Variants in CATSPERE observed in about 807,000 individuals in gnomAD.
CATSPERE encodes cation channel sperm-associated auxiliary subunit epsilon.
Under a neutral mutation model 114.1 loss-of-function variants are expected in CATSPERE, and 93 were observed. That is an observed-to-expected ratio of 0.81 (90% CI 0.69 to 0.97). The LOEUF (loss-of-function observed/expected upper bound fraction) is 0.97. Ranked by LOEUF, CATSPERE falls within the 50% of genes least tolerant of loss-of-function variation. The pLI is 0.00. For synonymous variants in CATSPERE, 341 were observed against 384.1 expected (o/e 0.89, Z 1.31); for missense variants, 1,058 against 1,131.6 (o/e 0.93, Z 0.93).
chr1:244,516,475 G>A (rs1183621994), intron 7 of CATSPERE, among the ~76,000 whole-genome samples: 1 of 151,858 alleles, frequency 6.6e-6, no homozygotes, highest in African/African-American at 2.4e-5. Flanking sequence ...AGCCTCCTGA[G>A]TAGCTGGGAC....
At chr1:244,639,306 A>G (rs1380086394) in intron 21 of CATSPERE, among the ~76,000 whole-genome samples, 1 of 152,114 alleles carries the variant, frequency 6.6e-6, no homozygotes, top group Non-Finnish European at 1.5e-5. Context: ...ACTCCCACTC[A>G]TACTCATACC....
intron 8 of CATSPERE, among the ~76,000 whole-genome samples, chr1:244,550,510 CAAACA>C (rs1414691583): frequency 6.6e-6 from 1 of 152,134 alleles, no homozygotes; most frequent in Non-Finnish European, 1.5e-5. Flanking sequence ...ATTGTCCATT[CAAACA>C]AAACAGTCAT....
At chr1:244,615,782 TA>T (rs1671301553) in intron 19 of CATSPERE, among the ~76,000 whole-genome samples, 1 of 151,918 alleles carries the variant, frequency 6.6e-6, no homozygotes, top group Admixed American at 6.6e-5. Context: ...ACGGCAGGCA[TA>T]ATCAGAACTG....
intron 7 of CATSPERE, among the ~76,000 whole-genome samples, chr1:244,510,428 T>C (rs377387319): frequency 3.3e-5 from 5 of 152,338 alleles, no homozygotes; most frequent in Admixed American, 6.5e-5. Context: ...AATATTCCTC[T>C]TGTTTTTGAC....
chr1:244,615,306 C>A (rs1427718132), intron 19 of CATSPERE, among the ~76,000 whole-genome samples: 1 of 149,702 alleles, frequency 6.7e-6, no homozygotes, highest in East Asian at 2.0e-4. Context: ...TACTGGAATT[C>A]TTTAATTAAA....
intron 9 of CATSPERE, among the ~76,000 whole-genome samples, chr1:244,554,624 G>T: frequency 6.6e-6 from 1 of 152,126 alleles, no homozygotes; most frequent in East Asian, 1.9e-4. Context: ...TTTCCCTGAT[G>T]GTTAGTGATG....
intron 17 of CATSPERE, among the ~76,000 whole-genome samples, chr1:244,600,026 C>A (rs1486202200): frequency 1.3e-5 from 2 of 152,098 alleles, no homozygotes; most frequent in African/African-American, 4.8e-5. Context: ...AGAAATGAGT[C>A]ATTCTGATTA....
intron 7 of CATSPERE, chr1:244,515,204 C>T (rs1401596177): frequency 6.4e-6 from 2 of 310,944 alleles, no homozygotes; most frequent in Admixed American, 1.3e-4. Context: ...CCGTTATTTT[C>T]CTGTCAATTC....
chr1:244,600,437 A>T (rs993235945), intron 17 of CATSPERE, among the ~76,000 whole-genome samples: 1 of 152,070 alleles, frequency 6.6e-6, no homozygotes, highest in African/African-American at 2.4e-5. Flanking sequence ...GTTGTAACCT[A>T]CATGAATTTG....
intron 20 of CATSPERE, among the ~76,000 whole-genome samples, chr1:244,627,431 C>A (rs1673345988): frequency 6.6e-6 from 1 of 152,058 alleles, no homozygotes; most frequent in South Asian, 2.1e-4. Context: ...AAAATATTAT[C>A]CAGGCACGGT....
intron 6 of CATSPERE, among the ~76,000 whole-genome samples, chr1:244,494,269 G>T (rs1268398715): frequency 6.6e-6 from 1 of 151,936 alleles, no homozygotes; most frequent in Non-Finnish European, 1.5e-5. Context: ...ATACTATGCA[G>T]CCATAAAAAA....
chr1:244,472,617 A>G (rs1052604498), intron 2 of CATSPERE, among the ~76,000 whole-genome samples: 1 of 152,176 alleles, frequency 6.6e-6, no homozygotes, highest in African/African-American at 2.4e-5. Flanking sequence ...ATGAGCCAAT[A>G]TTGATACATC....
At chr1:244,605,455 G>C (rs1669862988) in intron 17 of CATSPERE, among the ~76,000 whole-genome samples, 1 of 151,618 alleles carries the variant, frequency 6.6e-6, no homozygotes, top group African/African-American at 2.4e-5. Context: ...CTGAATGAAA[G>C]AACATCTGTT....
chr1:244,512,165 C>T (rs1172326925), intron 7 of CATSPERE, among the ~76,000 whole-genome samples: 1 of 152,186 alleles, frequency 6.6e-6, no homozygotes, highest in Non-Finnish European at 1.5e-5. Context: ...CCTTCTGGAG[C>T]TCTCAAAATT....
rs1245472574 is a variant in CATSPERE, at chr1:244,572,663, C to T, written c.1841C>T (p.Pro614Leu). The T allele has an allele frequency of 6.2e-7, 1 of 1,613,942 alleles. No individual in the cohort carries two copies. Among genetic ancestry groups the T allele is most frequent in the East Asian group, 2.2e-5 (1 of 44,872 alleles). The change falls in exon 11 of 22, where the codon CCA becomes CTA. Residue 614 changes from proline to leucine, a missense_variant. Pro to Leu is a moderately conservative substitution (Grantham distance 98). Around this residue, in one of 2 missense-constraint regions of CATSPERE, gnomAD observed 787 missense variants for 905.6 expected, o/e 0.87. Coordinates refer to ENST00000366534, the MANE Select transcript of CATSPERE (RefSeq NM_001130957.2). ...ALTVWTQIVY[P>L]ENTGLYVIVE... ...ACAGTTTGGACTCAGATCGTCTATC[C>T]AGAAAACACTGGTCTGTATGTTATT...
At chr1:244,558,249 T>C (rs1661996378) in intron 9 of CATSPERE, among the ~76,000 whole-genome samples, 1 of 151,620 alleles carries the variant, frequency 6.6e-6, no homozygotes, top group South Asian at 2.1e-4. Context: ...TCAAGTTGAT[T>C]CTCCTGCCTC....
In CATSPERE at chr1:244,552,629, G is replaced by C. The variant is rs557339421; in HGVS notation, c.844G>C (p.Asp282His). 4 of 1,614,154 alleles carry C rather than the reference G, an allele frequency of 2.5e-6. No homozygotes were observed. The African/African-American group carries it at 5.3e-5, about 22-fold the overall frequency. Residue 282 changes from aspartate (D) to histidine (H), a missense_variant, in exon 9 of 22, where the codon GAT becomes CAT. Asp to His is a moderately conservative substitution (Grantham distance 81, BLOSUM62 -1). This residue lies in a region of CATSPERE where 787 missense variants were observed against 905.6 expected (regional missense o/e 0.87). Transcript: ENST00000366534. Reference protein sequence around the residue: ...IRVPPDILSDDERRSVAHVIL... With the variant: ...IRVPPDILSDHERRSVAHVIL... The stretch of plus-strand genomic sequence containing the variant: ...AGTGCCTCCAGACATTCTGAGTGAT[G>C]ATGAAAGACGGAGTGTGGCTCATGT...
rs3003273 is a variant in CATSPERE, at chr1:244,519,086, T to G, written c.536+388T>G. Among the ~76,000 whole-genome samples, 1,099 of 152,238 alleles carry G rather than the reference T, an allele frequency of 7.2e-3. 14 individuals carry two copies. The highest frequency in any genetic ancestry group is 0.025 in the African/African-American group (1,024 of 41,528). On this transcript the variant is annotated intron_variant, in intron 8 of 21. Transcript: ENST00000366534. ...AGGCAAGATACATTACTGTTAAAGT[T>G]AGTAGGTTATCACAAGGTATAGACA...
At chr1:244,455,809 C>A (rs1489763521) in intron 1 of CATSPERE, among the ~76,000 whole-genome samples, 1 of 151,888 alleles carries the variant, frequency 6.6e-6, no homozygotes, top group Non-Finnish European at 1.5e-5. Context: ...GAAAAAAGCT[C>A]TGTTTTCCTC....
Sources: allele counts gnomAD v4.1 joint callset (sites outside exome capture counted in the v4.1 genomes callset), GRCh38; gene constraint gnomAD v4.1.1; regional missense constraint gnomAD v4.1.1; transcripts MANE v1.5; gene names NCBI Gene and HGNC (gene_info 2026-07-23, HGNC 2026-07-21).